GALNTL6: variants seen among roughly 807,000 people sequenced by gnomAD.
The protein encoded by GALNTL6 is polypeptide N-acetylgalactosaminyltransferase like 6.
Under a neutral mutation model 73.7 loss-of-function variants are expected in GALNTL6, and 46 were observed. The ratio of observed to expected loss-of-function variants is 0.62; its 90% confidence interval spans 0.49 to 0.80. The LOEUF is 0.80. Among genes scored for constraint, GALNTL6 ranks in the 30% least tolerant of loss-of-function variants. GALNTL6 has a pLI of 0.00. For synonymous variants in GALNTL6, 259 were observed against 263.7 expected, an observed-to-expected ratio of 0.98 and a Z score of 0.17; for missense variants, 604 against 755.0, an observed-to-expected ratio of 0.80 and a Z score of 2.34.
intron 7 of GALNTL6, among the ~76,000 whole-genome samples, chr4:172,821,100 T>C (rs1473329263): frequency 6.6e-6 from 1 of 152,210 alleles, no homozygotes; most frequent in South Asian, 2.1e-4. Context: ...TAACATCTGT[T>C]TAGCACTTCA....
chr4:172,644,133 G>A (rs113146431), intron 5 of GALNTL6, among the ~76,000 whole-genome samples: 3 of 151,814 alleles, frequency 2.0e-5, no homozygotes, highest in African/African-American at 4.8e-5. Flanking sequence ...CATTTGTGTG[G>A]TTTTGAAATT....
intron 7 of GALNTL6, among the ~76,000 whole-genome samples, chr4:172,866,070 C>T (rs1220479919): frequency 6.6e-6 from 1 of 152,158 alleles, no homozygotes; most frequent in Non-Finnish European, 1.5e-5. Flanking sequence ...ACTGCCTTCA[C>T]CTTGGATCAG....
intron 5 of GALNTL6, among the ~76,000 whole-genome samples, chr4:172,579,979 C>T (rs1737114526): frequency 6.6e-6 from 1 of 152,094 alleles, no homozygotes; most frequent in African/African-American, 2.4e-5. Context: ...AATTCGTAGA[C>T]ATATATGACC....
At chr4:172,694,065 G>T (rs1274025633) in intron 5 of GALNTL6, among the ~76,000 whole-genome samples, 5 of 151,578 alleles carry the variant, frequency 3.3e-5, no homozygotes, top group Admixed American at 6.6e-5. Context: ...TGAGGGCCAA[G>T]AAGTATTGGT....
chr4:173,005,480 C>A (rs1466021339), intron 10 of GALNTL6, among the ~76,000 whole-genome samples: 1 of 151,884 alleles, frequency 6.6e-6, no homozygotes, highest in Non-Finnish European at 1.5e-5. Flanking sequence ...AGGTACAGAG[C>A]CCATGTTGAA....
chr4:172,207,055 G>T (rs972104211), intron 2 of GALNTL6, among the ~76,000 whole-genome samples: 2 of 151,678 alleles, frequency 1.3e-5, no homozygotes, highest in African/African-American at 4.8e-5. Context: ...CTGACCTCGT[G>T]ATCCGCCCCC....
chr4:172,416,602 T>A (rs1476895767), intron 5 of GALNTL6, among the ~76,000 whole-genome samples: 2 of 152,202 alleles, frequency 1.3e-5, no homozygotes, highest in African/African-American at 4.8e-5. Context: ...AATTTTGTTT[T>A]TATTGATACT....
intron 2 of GALNTL6, among the ~76,000 whole-genome samples, chr4:171,978,182 A>T (rs7684124): frequency 0.082 from 12,436 of 152,154 alleles, 1,402 homozygotes; most frequent in African/African-American, 0.26. Context: ...AAAATCTTAG[A>T]TAAAATATTT....
intron 2 of GALNTL6, among the ~76,000 whole-genome samples, chr4:171,982,026 G>A (rs1317214317): frequency 1.3e-5 from 2 of 152,026 alleles, no homozygotes; most frequent in Admixed American, 6.6e-5. Context: ...CTTATAGTCA[G>A]TCTATTAAGG....
At chr4:171,868,889 C>G (rs888960509) in intron 2 of GALNTL6, among the ~76,000 whole-genome samples, 1 of 152,186 alleles carries the variant, frequency 6.6e-6, no homozygotes, top group African/African-American at 2.4e-5. Flanking sequence ...CCATGTTGGC[C>G]AGGCTGGTCT....
intron 2 of GALNTL6, among the ~76,000 whole-genome samples, chr4:171,985,440 G>A (rs941082672): frequency 1.3e-5 from 2 of 152,130 alleles, no homozygotes; most frequent in African/African-American, 2.4e-5. Flanking sequence ...ACAACATGTG[G>A]GAATTATGGG....
chr4:172,968,079 C>T (rs1435991969), intron 10 of GALNTL6, among the ~76,000 whole-genome samples: 1 of 152,058 alleles, frequency 6.6e-6, no homozygotes, highest in African/African-American at 2.4e-5. Flanking sequence ...AAGAAAGAAA[C>T]AAACAACATG....
chr4:172,143,554 T>C (rs1422717163), intron 2 of GALNTL6, among the ~76,000 whole-genome samples: 1 of 152,070 alleles, frequency 6.6e-6, no homozygotes, highest in East Asian at 1.9e-4. Context: ...GTTGAATTTC[T>C]ATTTTTATTG....
At chr4:172,955,846 G>A (rs1211126754) in intron 10 of GALNTL6, among the ~76,000 whole-genome samples, 1 of 151,996 alleles carries the variant, frequency 6.6e-6, no homozygotes. Flanking sequence ...GCTGGCACGG[G>A]TGGGGGTCAC....
chr4:172,154,047 CTT>C (rs35826525), intron 2 of GALNTL6, among the ~76,000 whole-genome samples: 1 of 143,928 alleles, frequency 6.9e-6, no homozygotes. Flanking sequence ...GGTTTTTCTT[CTT>C]TTTTTTTTTC....
intron 2 of GALNTL6, among the ~76,000 whole-genome samples, chr4:171,934,701 C>T (rs1474204884): frequency 6.6e-6 from 1 of 152,154 alleles, no homozygotes; most frequent in African/African-American, 2.4e-5. Context: ...TGGGCATGAG[C>T]CACTGCACCC....
At chr4:172,047,981 C>T (rs1742266935) in intron 2 of GALNTL6, among the ~76,000 whole-genome samples, 1 of 151,890 alleles carries the variant, frequency 6.6e-6, no homozygotes. Flanking sequence ...TTCCTGAAGC[C>T]CTCTGACAAC....
At chr4:171,987,869 G>C (rs1740153699) in intron 2 of GALNTL6, among the ~76,000 whole-genome samples, 1 of 152,150 alleles carries the variant, frequency 6.6e-6, no homozygotes, top group Non-Finnish European at 1.5e-5. Context: ...GAGAGATACA[G>C]TCATGGGGGT....
chr4:172,557,315 T>C (rs1303516884), intron 5 of GALNTL6, among the ~76,000 whole-genome samples: 2 of 152,102 alleles, frequency 1.3e-5, no homozygotes, highest in African/African-American at 4.8e-5. Context: ...GAAGAAAACA[T>C]AGGAGACCTT....
Sources: allele counts gnomAD v4.1 joint callset (sites outside exome capture counted in the v4.1 genomes callset), GRCh38; gene constraint gnomAD v4.1.1; transcripts MANE v1.5; gene names NCBI Gene and HGNC (gene_info 2026-07-23, HGNC 2026-07-21).